Variants in PHACTR2 observed in about 807,000 individuals in gnomAD.
The protein encoded by PHACTR2 is chromosome 6 open reading frame 56.
In PHACTR2, 30 loss-of-function variants were observed where a neutral mutation model predicts 76.0. That is an observed-to-expected ratio of 0.39 (90% CI 0.30 to 0.54). The LOEUF (loss-of-function observed/expected upper bound fraction) is 0.54, where lower values mean the gene tolerates loss of function less well. PHACTR2 is among the 20% of genes least tolerant of loss of function. The probability of loss-of-function intolerance (pLI) is 0.61; values close to 1 mark genes in which losing one functional copy is unlikely to be tolerated. For missense variants in PHACTR2, 696 were observed against 781.1 expected, an observed-to-expected ratio of 0.89 and a Z score of 1.30; for synonymous variants, 292 against 292.5, an observed-to-expected ratio of 1.00 and a Z score of 0.02.
intron 1 of PHACTR2, among the ~76,000 whole-genome samples, chr6:143,593,046 C>CAAAAAAA (rs67052242): frequency 6.3e-5 from 5 of 78,866 alleles, no homozygotes; most frequent in African/African-American, 2.0e-4. Flanking sequence ...GACCCTGCCT[C>CAAAAAAA]AAAAAAAAAA....
intron 1 of PHACTR2, among the ~76,000 whole-genome samples, chr6:143,703,892 A>C (rs932896909): frequency 6.6e-6 from 1 of 152,188 alleles, no homozygotes; most frequent in Non-Finnish European, 1.5e-5. Context: ...TTCTTTAAAA[A>C]TTTTTACATT....
chr6:143,756,880 T>C (rs1363811925), intron 4 of PHACTR2, among the ~76,000 whole-genome samples: 1 of 151,740 alleles, frequency 6.6e-6, no homozygotes, highest in Non-Finnish European at 1.5e-5. Context: ...AAGCCCCATC[T>C]CTACTAAAAA....
rs986687180 is a variant in PHACTR2 at position 143,663,944 on chromosome 6, T to C, written c.14-48072T>C. 6.6e-6 allele frequency among the ~76,000 whole-genome samples: 1 copy of C among 152,144 alleles called. No homozygotes were observed. The highest frequency in any genetic ancestry group is 6.5e-5 in the Admixed American group (1 of 15,280). ...TTGTCAATGGGATTGTTTAAATTCA[T>C]GACCTTAAAAATATTTTGTTTTCAT... On this transcript the variant is annotated intron_variant, in intron 1 of 11. Coordinates refer to the PHACTR2 transcript ENST00000305766. The surrounding 1 kb of genome is among the most constrained non-coding windows in gnomAD (Gnocchi z 4.1).
At chr6:143,568,138 G>A (rs1416207) in intron 1 of PHACTR2, among the ~76,000 whole-genome samples, 93,192 of 151,894 alleles carry the variant, frequency 0.61, 28,915 homozygotes, top group Middle Eastern at 0.72. Flanking sequence ...CTTCTTCCTT[G>A]GAAAACAAAA....
At position 143,696,937 on chromosome 6, in the gene PHACTR2, G is replaced by T. The variant is rs1222894782; in HGVS notation, c.47-15079G>T. ...TAAATTGGAATAAAAACTTGTTGCT[G>T]GCTGCCAGTCTTAAAGAATGATTCC... On this transcript the variant is annotated intron_variant, in intron 1 of 12. Coordinates refer to ENST00000440869, the MANE Select transcript of PHACTR2 (RefSeq NM_001100164.2). This position sits in a 1 kb window ranked among gnomAD's most constrained non-coding sequence, Gnocchi z 4.1. Among the ~76,000 whole-genome samples, 1 of 152,108 alleles carries T rather than the reference G, an allele frequency of 6.6e-6. No homozygotes were observed. The highest frequency in any genetic ancestry group is 1.5e-5 in the Non-Finnish European group (1 of 68,018).
At chr6:143,626,536 C>CAAAAAAAAAAAAAA (rs35107482) in intron 1 of PHACTR2, among the ~76,000 whole-genome samples, 5 of 122,338 alleles carry the variant, frequency 4.1e-5, no homozygotes, top group African/African-American at 1.3e-4. Context: ...GACTCCGTCT[C>CAAAAAAAAAAAAAA]AAAAAAAAAA....
chr6:143,725,921 C>A (rs1778558499), intron 2 of PHACTR2, among the ~76,000 whole-genome samples: 2 of 152,078 alleles, frequency 1.3e-5, no homozygotes, highest in South Asian at 4.1e-4. Flanking sequence ...CGAGAGCTTC[C>A]TCCAGGTTGT....
In PHACTR2 at chr6:143,698,063, A is replaced by G. The variant is rs1263090526; in HGVS notation, c.47-13953A>G. ...GAGGTTCTGTTACGGGCTTTTTCCC[A>G]TCATTCTAGAACATGTTCAATGTTT... On this transcript the variant is annotated intron_variant, in intron 1 of 12. Coordinates refer to ENST00000440869, the MANE Select transcript of PHACTR2 (RefSeq NM_001100164.2). The surrounding 1 kb of genome is among the most constrained non-coding windows in gnomAD (Gnocchi z 4.3). 3.3e-5 allele frequency among the ~76,000 whole-genome samples: 5 copies of G among 152,168 alleles called. No individual in the cohort carries two copies. The highest frequency in any genetic ancestry group is 7.4e-5 in the Non-Finnish European group (5 of 68,026).
chr6:143,625,339 C>A lies in PHACTR2; in HGVS notation c.13+17017C>A, dbSNP rs1482540088. ...TTTACTTGGTGATTCAGAATTTAAACTATATCACTACCTGTACAGTTTATT... is the reference window on the plus strand; with the variant it reads ...TTTACTTGGTGATTCAGAATTTAAAATATATCACTACCTGTACAGTTTATT... On this transcript the variant is annotated intron_variant, in intron 1 of 11. Coordinates refer to the PHACTR2 transcript ENST00000305766. The surrounding 1 kb of genome is among the most constrained non-coding windows in gnomAD (Gnocchi z 4.3). Among the ~76,000 whole-genome samples, 1 of 152,068 alleles carries A rather than the reference C, an allele frequency of 6.6e-6. No individual in the cohort carries two copies. The highest frequency in any genetic ancestry group is 6.5e-5 in the Admixed American group (1 of 15,272).
rs1234549996 is a variant in PHACTR2 at position 143,570,424 on chromosome 6, A to T, written c.217+33217A>T. On this transcript the variant is annotated intron_variant, in intron 1 of 11. Coordinates refer to the PHACTR2 transcript ENST00000367584. This position sits in a 1 kb window ranked among gnomAD's most constrained non-coding sequence, Gnocchi z 4.6. Reference sequence around the variant, plus strand: ...AGATTAAAATGTGAGATGAGGAGTAACACACTTGCCAGTGACATGGAAGTA... The same window carrying T: ...AGATTAAAATGTGAGATGAGGAGTATCACACTTGCCAGTGACATGGAAGTA... 6.6e-6 allele frequency among the ~76,000 whole-genome samples: 1 copy of T among 152,198 alleles called. No homozygotes were observed. Among genetic ancestry groups the T allele is most frequent in the Non-Finnish European group, 1.5e-5 (1 of 68,040 alleles).
Position 143,793,559 on chromosome 6 carries a change from G to T in PHACTR2, c.1845+4649G>T, listed in dbSNP as rs1043301904. 2.0e-5 allele frequency among the ~76,000 whole-genome samples: 3 copies of T among 152,024 alleles called. No individual in the cohort carries two copies. Among genetic ancestry groups the T allele is most frequent in the Admixed American group, 6.5e-5 (1 of 15,276 alleles). ...GCATTTTTAGAAGTGGATTTTTATTGTGTATGTGTGTGTTTCTCTGGAAGA... is the reference window on the plus strand; with the variant it reads ...GCATTTTTAGAAGTGGATTTTTATTTTGTATGTGTGTGTTTCTCTGGAAGA... On this transcript the variant is annotated intron_variant, in intron 11 of 12. Transcript: ENST00000440869. This position sits in a 1 kb window ranked among gnomAD's most constrained non-coding sequence, Gnocchi z 4.4.
In PHACTR2 at chr6:143,816,820, C is replaced by T. The variant is rs539865890; in HGVS notation, c.1923-6854C>T. On this transcript the variant is annotated intron_variant, in intron 12 of 12. Transcript: ENST00000440869. This position sits in a 1 kb window ranked among gnomAD's most constrained non-coding sequence, Gnocchi z 4.5. ...GTGGCTCATGCCTGTAATCCCAGCA[C>T]TTTGGGAGGCTGAGGCGGGAGGATC... 1.4e-4 allele frequency among the ~76,000 whole-genome samples: 21 copies of T among 152,320 alleles called. No homozygotes were observed. The highest frequency in any genetic ancestry group is 5.1e-4 in the African/African-American group (21 of 41,574).
intron 1 of PHACTR2, among the ~76,000 whole-genome samples, chr6:143,686,701 C>T (rs1412339490): frequency 6.6e-6 from 1 of 151,858 alleles, no homozygotes; most frequent in Non-Finnish European, 1.5e-5. Flanking sequence ...TGGCCAGGCT[C>T]GTCTCGAACT....
chr6:143,756,026 C>T (rs1005419602), intron 4 of PHACTR2, among the ~76,000 whole-genome samples: 10 of 152,040 alleles, frequency 6.6e-5, no homozygotes, highest in African/African-American at 2.4e-4. Context: ...TGCTCCCTTT[C>T]CTCCTGCATG....
intron 1 of PHACTR2, among the ~76,000 whole-genome samples, chr6:143,584,098 T>C (rs1775600244): frequency 6.6e-6 from 1 of 152,222 alleles, no homozygotes; most frequent in African/African-American, 2.4e-5. Flanking sequence ...GCCAGGATGT[T>C]CCACTACTGT....
intron 2 of PHACTR2, among the ~76,000 whole-genome samples, chr6:143,725,326 G>A (rs917112999): frequency 2.7e-5 from 4 of 145,824 alleles, no homozygotes; most frequent in African/African-American, 7.6e-5. Context: ...TCAGCCTCCC[G>A]AGTAGCTGGG....
upstream of PHACTR2, among the ~76,000 whole-genome samples, chr6:143,606,821 G>A (rs1484697909): frequency 6.6e-6 from 1 of 152,084 alleles, no homozygotes; most frequent in Non-Finnish European, 1.5e-5. Flanking sequence ...AATTCATAGA[G>A]TGATATACCT....
At chr6:143,635,052 A>T (rs1562254682) in intron 1 of PHACTR2, among the ~76,000 whole-genome samples, 2 of 152,178 alleles carry the variant, frequency 1.3e-5, no homozygotes, top group South Asian at 4.1e-4. Context: ...GATGGTGCAC[A>T]AATATATTCA....
rs777391878 is a variant in PHACTR2, at chr6:143,755,300, G to A, written c.454+1388G>A. The A allele has an allele frequency of 2.9e-5, 13 of 455,814 alleles. No homozygotes were observed. Among genetic ancestry groups the A allele is most frequent in the Admixed American group, 9.4e-5 (4 of 42,540 alleles). 28.2% of individuals were successfully genotyped at this position (455,814 alleles called of 1,614,324 possible). A position where few individuals can be genotyped will look rare whatever the true frequency, so the allele number is the denominator to read the frequency against. ...TGTTTAAGTCTTTCTGTCCTGTCTC[G>A]CCAGACTGTTGAATTTCAAATCCAT... On this transcript the variant is annotated intron_variant, in intron 4 of 12. Transcript: ENST00000440869. The surrounding 1 kb of genome is among the most constrained non-coding windows in gnomAD (Gnocchi z 5.2).
Sources: gnomAD v4.1 joint callset for allele counts (sites outside exome capture counted in the v4.1 genomes callset) on GRCh38, gnomAD v4.1.1 for gene constraint, Gnocchi (gnomAD v3.1) non-coding constraint, MANE v1.5 for transcripts, NCBI Gene and HGNC (gene_info 2026-07-23, HGNC 2026-07-21) for gene names.